Variants in GPR161 observed in about 807,000 individuals in gnomAD.
GPR161 encodes the protein G protein-coupled receptor 161.
A neutral mutation model predicts 39.2 loss-of-function variants in GPR161; 25 were observed. The observed-to-expected ratio is 0.64, with a 90% CI of 0.47 to 0.89. The LOEUF (loss-of-function observed/expected upper bound fraction) is 0.89. GPR161 is among the 40% of genes least tolerant of loss of function. The probability of loss-of-function intolerance (pLI) is 0.00; values close to 1 mark genes in which losing one functional copy is unlikely to be tolerated. For synonymous variants in GPR161, 286 were observed against 276.6 expected, an observed-to-expected ratio of 1.03 and a Z score of -0.34; for missense variants, 547 against 677.8, an observed-to-expected ratio of 0.81 and a Z score of 2.14.
intron 1 of GPR161, among the ~76,000 whole-genome samples, chr1:168,112,952 G>T: frequency 6.6e-6 from 1 of 152,194 alleles, no homozygotes; most frequent in East Asian, 1.9e-4. Flanking sequence ...GACAGAGGAG[G>T]AATGTGGACC....
intron 1 of GPR161, among the ~76,000 whole-genome samples, chr1:168,134,471 A>G (rs1380575734): frequency 2.0e-5 from 3 of 152,150 alleles, no homozygotes; most frequent in African/African-American, 4.8e-5. Flanking sequence ...GGTAGCACTG[A>G]TAGCTATCTC....
intron 1 of GPR161, among the ~76,000 whole-genome samples, chr1:168,125,701 T>C (rs1207967874): frequency 1.3e-5 from 2 of 148,652 alleles, no homozygotes; most frequent in Non-Finnish European, 3.0e-5. Flanking sequence ...CACTGCAATC[T>C]CCACCTCCCG....
intron 2 of GPR161, among the ~76,000 whole-genome samples, chr1:168,101,124 T>C (rs1696063444): frequency 6.6e-6 from 1 of 152,046 alleles, no homozygotes; most frequent in Non-Finnish European, 1.5e-5. Flanking sequence ...TTTTTTTTCT[T>C]TTTTAAATTT....
chr1:168,090,651 G>A lies in GPR161; in HGVS notation c.1117C>T (p.His373Tyr), dbSNP rs760550716. 31 of 1,607,928 alleles carry A rather than the reference G, an allele frequency of 1.9e-5. No individual in the cohort carries two copies. In the Middle Eastern group the frequency reaches 6.6e-4, roughly 34 times the overall value. ...CCACCTGCCATGAGCGCAGTGAGGT[G>A]TGGGGACAGGCCCAGGTCTGAAAGA... ...NRITDLGLSP[H>Y]LTALMAGGQP... Residue 373 changes from histidine to tyrosine, a missense_variant, in exon 4 of 6, where the codon CAC (histidine) becomes TAC (tyrosine). Physicochemically the swap from His to Tyr is moderately conservative, Grantham distance 83. Coordinates refer to ENST00000682931, the MANE Select transcript of GPR161 (RefSeq NM_001375883.1).
In GPR161 at chr1:168,096,707, G is replaced by A. The variant is rs537492326; in HGVS notation, c.900C>T (p.Ser300=). The A allele has an allele frequency of 8.6e-5, 138 of 1,614,032 alleles. No homozygotes were observed. Among genetic ancestry groups the A allele is most frequent in the Non-Finnish European group, 1.1e-4 (124 of 1,179,994 alleles). The change falls in exon 3 of 6, where the codon TCC becomes TCT. Residue 300 remains serine, a synonymous_variant. Coordinates refer to ENST00000682931, the MANE Select transcript of GPR161 (RefSeq NM_001375883.1). ...IASEALWGKS[S]VSPSLETWAT... is the part of the protein sequence containing the mutation. ...CCCAAGTCTCCAGGCTCGGGGAGAC[G>A]GAGCTTTTCCCCCAGAGGGCCTCAG... is the stretch of plus-strand genomic sequence containing the variant.
intron 2 of GPR161, among the ~76,000 whole-genome samples, chr1:168,100,017 A>G (rs1695943976): frequency 6.6e-6 from 1 of 152,010 alleles, no homozygotes; most frequent in Admixed American, 6.6e-5. Context: ...ACTGGGCAAC[A>G]TAAGGAGACC....
chr1:168,136,258 T>A lies in GPR161; in HGVS notation c.-45+481A>T, dbSNP rs73030230. 104,206 of 1,400,320 alleles carry A rather than the reference T, an allele frequency of 0.074. 4,403 individuals are homozygous for A. Among genetic ancestry groups the A allele is most frequent in the Middle Eastern group, 0.094 (514 of 5,486 alleles). 86.7% of individuals were successfully genotyped at this position (1,400,320 alleles called of 1,614,324 possible). A position where few individuals can be genotyped will look rare whatever the true frequency, so the allele number is the denominator to read the frequency against. On this transcript the variant is annotated intron_variant, in intron 1 of 5. Coordinates refer to ENST00000682931, the MANE Select transcript of GPR161 (RefSeq NM_001375883.1). ...CCCGGCTGGGAGAAGGCTGCTCACC[T>A]GGTCCTCACGGATTCCAGCCGAGGG...
chr1:168,115,636 C>T (rs1289217818), intron 1 of GPR161, among the ~76,000 whole-genome samples: 1 of 152,146 alleles, frequency 6.6e-6, no homozygotes, highest in African/African-American at 2.4e-5. Context: ...AAGGGACAGC[C>T]TGAGAGCCTG....
chr1:168,085,808 G>C lies in GPR161; in HGVS notation c.1325-12C>G. The C allele has an allele frequency of 6.2e-7, 1 of 1,602,874 alleles. No individual in the cohort carries two copies. ...GTTCTTGGCAGCTTCTGAGGGAGAA[G>C]GCAGAAAAAAAAGTCAGCTGAGGAG... On this transcript the variant is annotated splice_polypyrimidine_tract_variant and intron_variant, in intron 5 of 5. Transcript: ENST00000682931.
At chr1:168,125,621 C>CG (rs1370299812) in intron 1 of GPR161, among the ~76,000 whole-genome samples, 10 of 137,516 alleles carry the variant, frequency 7.3e-5, no homozygotes, top group Admixed American at 1.4e-4. Flanking sequence ...TTGCTTCCCC[C>CG]CCCTTTTTTT....
intron 1 of GPR161, among the ~76,000 whole-genome samples, chr1:168,105,416 T>C (rs964080279): frequency 1.3e-5 from 2 of 152,208 alleles, no homozygotes; most frequent in African/African-American, 4.8e-5. Flanking sequence ...GAGAGCTCAC[T>C]AGAGAGGCAG....
Position 168,087,548 on chromosome 1 carries a change from CTA to C in GPR161, c.1324+35_1324+36del, listed in dbSNP as rs753436510. 16 of 1,611,932 alleles carry C rather than the reference CTA, an allele frequency of 9.9e-6. No homozygotes were observed. The Admixed American group carries it at 1.2e-4, about 12-fold the overall frequency. On this transcript the variant is annotated intron_variant, in intron 5 of 5. Coordinates refer to ENST00000682931, the MANE Select transcript of GPR161 (RefSeq NM_001375883.1). ...TTGTCCTAAGATCCTTTCCGTTTCC[CTA>C]TGTTTTCTTGAAGCAATCAGTCACA... is the stretch of plus-strand genomic sequence containing the variant.
upstream of GPR161, chr1:168,137,404 G>C (rs1449179383): frequency 6.5e-7 from 1 of 1,535,548 alleles, no homozygotes. Flanking sequence ...CATTCATCCA[G>C]CCGACGGGCA....
At chr1:168,137,535 C>T (rs1699475464), upstream of GPR161, 1 of 737,448 alleles carries the variant, frequency 1.4e-6, no homozygotes. Flanking sequence ...CACACTGCTG[C>T]CCTGCACTCC....
intron 1 of GPR161, among the ~76,000 whole-genome samples, chr1:168,105,860 T>G (rs1366722080): frequency 6.6e-6 from 1 of 152,220 alleles, no homozygotes; most frequent in Non-Finnish European, 1.5e-5. Flanking sequence ...TCTCATTCTC[T>G]GCACACAGAA....
Position 168,121,016 on chromosome 1 carries a change from A to G in GPR161, c.-45+15723T>C, listed in dbSNP as rs184795495. ...AATTTAAAAATTTTGGAAAAAAAAC[A>G]TATCTAGGCATCTTCTGTTTAACTT... On this transcript the variant is annotated intron_variant, in intron 1 of 5. Transcript: ENST00000682931. Among the ~76,000 whole-genome samples, 739 of 152,338 alleles carry G rather than the reference A, an allele frequency of 4.9e-3. 2 individuals are homozygous for G. Among genetic ancestry groups the G allele is most frequent in the Non-Finnish European group, 8.5e-3 (577 of 68,026 alleles).
At chr1:168,131,496 A>G (rs1187644002) in intron 1 of GPR161, among the ~76,000 whole-genome samples, 2 of 148,118 alleles carry the variant, frequency 1.4e-5, no homozygotes, top group African/African-American at 2.6e-5. Flanking sequence ...TTAAAAAAAG[A>G]AAAAAAAAAG....
At chr1:168,136,134 G>A in intron 1 of GPR161, 3 of 1,257,960 alleles carry the variant, frequency 2.4e-6, no homozygotes, top group African/African-American at 3.1e-5. Flanking sequence ...TCTCCCTCCC[G>A]CAGATCTGAG....
At chr1:168,131,867 A>G (rs1484436950) in intron 1 of GPR161, among the ~76,000 whole-genome samples, 2 of 152,248 alleles carry the variant, frequency 1.3e-5, no homozygotes, top group African/African-American at 4.8e-5. Flanking sequence ...ATGAAATTAC[A>G]AACAACTCAG....
Sources: gnomAD v4.1 joint callset for allele counts (sites outside exome capture counted in the v4.1 genomes callset) on GRCh38, gnomAD v4.1.1 for gene constraint, MANE v1.5 for transcripts, NCBI Gene and HGNC (gene_info 2026-07-23, HGNC 2026-07-21) for gene names.